Variants in MPP7 observed in about 807,000 individuals in gnomAD.
MPP7 encodes MAGUK p55 subfamily member 7.
A neutral mutation model predicts 76.5 loss-of-function variants in MPP7; 60 were observed. That is an observed-to-expected ratio of 0.78 (90% CI 0.64 to 0.97). The LOEUF (loss-of-function observed/expected upper bound fraction) is 0.97. Among genes scored for constraint, MPP7 ranks in the 50% least tolerant of loss-of-function variants. The pLI is 0.00. For missense variants in MPP7, 641 were observed against 694.0 expected (o/e 0.92, Z 0.86); for synonymous variants, 237 against 244.5 (o/e 0.97, Z 0.29).
At chr10:28,322,829 G>T (rs998224677) in intron 2 of MPP7, among the ~76,000 whole-genome samples, 23 of 152,136 alleles carry the variant, frequency 1.5e-4, no homozygotes. Context: ...TGAGATTGGG[G>T]TTGCTCAGTT....
intron 1 of MPP7, among the ~76,000 whole-genome samples, chr10:28,258,952 AAAAG>A (rs1283886408): frequency 2.0e-5 from 3 of 152,312 alleles, no homozygotes; most frequent in Admixed American, 6.5e-5. Flanking sequence ...CTAAAGGGAA[AAAAG>A]AAAGAGCCTT....
intron 8 of MPP7, among the ~76,000 whole-genome samples, chr10:28,122,967 G>T (rs1297370996): frequency 2.0e-5 from 3 of 150,878 alleles, no homozygotes; most frequent in African/African-American, 4.9e-5. Flanking sequence ...TGCAATTTTT[G>T]TTTTTTTTGC....
chr10:28,197,225 C>G (rs1325394776), intron 3 of MPP7, among the ~76,000 whole-genome samples: 1 of 148,486 alleles, frequency 6.7e-6, no homozygotes, highest in East Asian at 2.0e-4. Flanking sequence ...CTCTGTCGCC[C>G]AGGCTGGAGT....
chr10:28,056,401 CT>C, intron 16 of MPP7, 78 bp downstream of exon 16: 1 of 1,442,380 alleles, frequency 6.9e-7, no homozygotes, highest in Non-Finnish European at 9.4e-7. Context: ...TCAAATGATC[CT>C]CCTGCTTCGG....
chr10:28,057,994 G>T, intron 15 of MPP7: 1 of 570,784 alleles, frequency 1.8e-6, no homozygotes, highest in Non-Finnish European at 2.5e-6. Context: ...AGACATGGCA[G>T]TTGCAATGGG....
chr10:28,144,126 T>G (rs546191790), intron 5 of MPP7, among the ~76,000 whole-genome samples: 1 of 152,266 alleles, frequency 6.6e-6, no homozygotes, highest in Admixed American at 6.5e-5. Context: ...TGACCTCCGG[T>G]GATCAGCCCA....
chr10:28,154,625 T>C (rs1233941043), intron 3 of MPP7, among the ~76,000 whole-genome samples: 2 of 152,174 alleles, frequency 1.3e-5, no homozygotes, highest in South Asian at 2.1e-4. Flanking sequence ...AGTGATACTA[T>C]TTGAAACCAC....
At chr10:28,309,233 G>A (rs552492285) in intron 2 of MPP7, among the ~76,000 whole-genome samples, 2 of 152,132 alleles carry the variant, frequency 1.3e-5, no homozygotes, top group Admixed American at 6.5e-5. Flanking sequence ...GGCCAACATC[G>A]TGAAACCCCA....
At chr10:28,089,367 C>T (rs956158547) in intron 12 of MPP7, among the ~76,000 whole-genome samples, 1 of 151,912 alleles carries the variant, frequency 6.6e-6, no homozygotes, top group Non-Finnish European at 1.5e-5. Context: ...GCATTGTGTT[C>T]AAAAATATTC....
chr10:28,256,358 A>T (rs2132892185), intron 1 of MPP7, among the ~76,000 whole-genome samples: 1 of 151,916 alleles, frequency 6.6e-6, no homozygotes, highest in African/African-American at 2.4e-5. Flanking sequence ...TATTAATTCT[A>T]ATATTAATAT....
In MPP7 at chr10:28,100,098, A is replaced by G. The variant is rs1202129752; in HGVS notation, c.953-10257T>C. ...ACTACAAGGAAAAAAAAAATTTACT[A>G]TAAGTGAACTTCTTAAGAAGATTAA... On this transcript the variant is annotated intron_variant, in intron 11 of 16. Coordinates refer to ENST00000683449, the MANE Select transcript of MPP7 (RefSeq NM_001318170.2). Among the ~76,000 whole-genome samples, 3 of 148,656 alleles carry G rather than the reference A, an allele frequency of 2.0e-5. No homozygotes were observed. The Admixed American group carries it at 2.0e-4, about 10-fold the overall frequency.
chr10:28,325,934 C>T (rs1379717334), intron 2 of MPP7, among the ~76,000 whole-genome samples: 1 of 148,684 alleles, frequency 6.7e-6, no homozygotes, highest in Non-Finnish European at 1.5e-5. Context: ...TATGATCGTA[C>T]CACTTCACTC....
chr10:28,074,379 C>A (rs964634248), intron 12 of MPP7, among the ~76,000 whole-genome samples: 4 of 151,980 alleles, frequency 2.6e-5, no homozygotes, highest in Non-Finnish European at 5.9e-5. Flanking sequence ...CTCACTGCAA[C>A]CTCCGCTTCC....
intron 11 of MPP7, among the ~76,000 whole-genome samples, chr10:28,093,507 T>C (rs1257146336): frequency 1.3e-5 from 2 of 150,292 alleles, no homozygotes; most frequent in Non-Finnish European, 3.0e-5. Flanking sequence ...AGTGCAGTGG[T>C]GCAATCTCAG....
intron 1 of MPP7, among the ~76,000 whole-genome samples, chr10:28,283,006 T>G (rs968040918): frequency 1.3e-5 from 2 of 152,006 alleles, no homozygotes; most frequent in African/African-American, 4.8e-5. Context: ...TTTAATCTTT[T>G]ACATGAAACA....
intron 3 of MPP7, among the ~76,000 whole-genome samples, chr10:28,163,835 C>T (rs1418305647): frequency 6.7e-6 from 1 of 149,202 alleles, no homozygotes; most frequent in Non-Finnish European, 1.5e-5. Flanking sequence ...CGCTTGAACC[C>T]AGGAGGCGGA....
At chr10:28,297,776 C>A (rs1841068611) in intron 1 of MPP7, among the ~76,000 whole-genome samples, 1 of 152,224 alleles carries the variant, frequency 6.6e-6, no homozygotes, top group Admixed American at 6.5e-5. Flanking sequence ...GGTAGCATTT[C>A]ACCCACAGTA....
intron 1 of MPP7, among the ~76,000 whole-genome samples, chr10:28,256,692 A>G (rs1839797645): frequency 6.6e-6 from 1 of 152,234 alleles, no homozygotes; most frequent in Non-Finnish European, 1.5e-5. Context: ...TATATAACTA[A>G]GAACAGAAAA....
chr10:28,101,876 CAT>C, intron 11 of MPP7, among the ~76,000 whole-genome samples: 1 of 151,710 alleles, frequency 6.6e-6, no homozygotes, highest in South Asian at 2.1e-4. Context: ...TGGAAGCAAA[CAT>C]ACTGTTCTGA....
Sources: gnomAD v4.1 joint callset for allele counts (sites outside exome capture counted in the v4.1 genomes callset) on GRCh38, gnomAD v4.1.1 for gene constraint, MANE v1.5 for transcripts, NCBI Gene and HGNC (gene_info 2026-07-23, HGNC 2026-07-21) for gene names.